TNIP3: variants seen among roughly 807,000 people sequenced by gnomAD.
TNIP3 encodes TNFAIP3-interacting protein 3.
In TNIP3, 34 loss-of-function variants were observed where a neutral mutation model predicts 54.1. The observed-to-expected ratio is 0.63, with a 90% CI of 0.48 to 0.84. The LOEUF (loss-of-function observed/expected upper bound fraction) is 0.84, where lower values mean the gene tolerates loss of function less well. TNIP3 is among the 40% of genes least tolerant of loss of function. The probability of loss-of-function intolerance (pLI) is 0.00; values close to 1 mark genes in which losing one functional copy is unlikely to be tolerated. For missense variants in TNIP3, 366 were observed against 387.6 expected, an observed-to-expected ratio of 0.94 and a Z score of 0.47; for synonymous variants, 134 against 136.8, an observed-to-expected ratio of 0.98 and a Z score of 0.14.
chr4:121,135,400 AT>A (rs918651843), intron 10 of TNIP3, among the ~76,000 whole-genome samples: 1 of 149,764 alleles, frequency 6.7e-6, no homozygotes. Context: ...CTTTTTTTTT[AT>A]TTTTTTTTAT....
chr4:121,155,085 C>T (rs935422276), intron 4 of TNIP3, among the ~76,000 whole-genome samples: 2 of 151,960 alleles, frequency 1.3e-5, no homozygotes, highest in African/African-American at 4.8e-5. Context: ...GCCTCAGCCT[C>T]CCTAGTAGCT....
intron 2 of TNIP3, among the ~76,000 whole-genome samples, chr4:121,196,145 C>T (rs1725569573): frequency 6.6e-6 from 1 of 152,166 alleles, no homozygotes; most frequent in South Asian, 2.1e-4. Flanking sequence ...GTAATTTGCT[C>T]ACGGTGAGCT....
chr4:121,151,969 A>G (rs1029630770), intron 5 of TNIP3, among the ~76,000 whole-genome samples: 1 of 152,152 alleles, frequency 6.6e-6, no homozygotes, highest in African/African-American at 2.4e-5. Flanking sequence ...GCCTTAGGTA[A>G]TTGTTTTCAC....
At chr4:121,154,011 A>G (rs147688582) in intron 5 of TNIP3, among the ~76,000 whole-genome samples, 3 of 152,138 alleles carry the variant, frequency 2.0e-5, no homozygotes, top group Non-Finnish European at 4.4e-5. Context: ...ACACACACAC[A>G]CACACACACA....
At chr4:121,154,502 T>C in intron 5 of TNIP3, 49 bp downstream of exon 5, 1 of 1,607,328 alleles carries the variant, frequency 6.2e-7, no homozygotes, top group Non-Finnish European at 8.5e-7. Context: ...AAGAATGTTT[T>C]ATGCAGGGAC....
chr4:121,218,171 TACA>T (rs1161038246), upstream of TNIP3, among the ~76,000 whole-genome samples: 1 of 152,222 alleles, frequency 6.6e-6, no homozygotes, highest in East Asian at 1.9e-4. Flanking sequence ...ACATTACAGA[TACA>T]ACATCATAAC....
intron 5 of TNIP3, among the ~76,000 whole-genome samples, chr4:121,153,266 T>C (rs1221127634): frequency 3.9e-5 from 6 of 152,162 alleles, no homozygotes; most frequent in Admixed American, 1.3e-4. Context: ...ACTACAAATA[T>C]GGATACACAA....
At chr4:121,211,444 A>T (rs1008203030) in intron 2 of TNIP3, among the ~76,000 whole-genome samples, 2 of 152,220 alleles carry the variant, frequency 1.3e-5, no homozygotes, top group Non-Finnish European at 2.9e-5. Flanking sequence ...AGGATATTAC[A>T]TTTAAATTTT....
rs1579415382 is a variant in TNIP3, at chr4:121,161,219, T to TA, written c.67-4dup. 8 of 1,548,024 alleles carry TA rather than the reference T, an allele frequency of 5.2e-6. No homozygotes were observed. The highest frequency in any genetic ancestry group is 2.3e-5 in the East Asian group (1 of 43,282). ...TTTCTTGTTGATGGTTCAGCACACT[T>TA]AGAAAAAAAAAAAGAGAGAAGATTG... On this transcript the variant is annotated splice_polypyrimidine_tract_variant and splice_region_variant and intron_variant, in intron 1 of 10. Transcript: ENST00000057513.
intron 2 of TNIP3, 105 bp from the exon 3 acceptor site, chr4:121,158,857 G>T: frequency 1.2e-6 from 1 of 835,598 alleles, no homozygotes; most frequent in Non-Finnish European, 1.9e-6. Flanking sequence ...TAGAAGCCAT[G>T]GATGAAGACA....
rs370640136 is a variant in TNIP3 at position 121,142,747 on chromosome 4, T to A, written c.765A>T (p.Lys255Asn). Reference sequence around the variant, plus strand: ...ATACCTGTTTTAATTGCTTTTCTAGTTTTTCTTTCTCCATCTGACAAGCTT... The same window carrying A: ...ATACCTGTTTTAATTGCTTTTCTAGATTTTCTTTCTCCATCTGACAAGCTT... The part of the protein sequence containing the change: ...QIKACQMEKE[K>N]LEKQLKQMYC... Residue 255 changes from lysine (K) to asparagine (N), a missense_variant, in exon 8 of 11, where the codon AAA becomes AAT. Transcript: ENST00000057513. 16 of 1,612,350 alleles carry A rather than the reference T, an allele frequency of 9.9e-6. No homozygotes were observed. The African/African-American group carries it at 2.0e-4, about 20-fold the overall frequency.
At chr4:121,213,746 A>C (rs1726617912) in intron 2 of TNIP3, among the ~76,000 whole-genome samples, 1 of 151,856 alleles carries the variant, frequency 6.6e-6, no homozygotes, top group African/African-American at 2.4e-5. Context: ...AAAAACAAAA[A>C]AAGACATTCT....
intron 3 of TNIP3, among the ~76,000 whole-genome samples, chr4:121,171,674 C>T (rs556097688): frequency 6.6e-5 from 10 of 152,252 alleles, no homozygotes; most frequent in African/African-American, 1.9e-4. Flanking sequence ...AAGAGTACTG[C>T]CTGGATGTTT....
At chr4:121,135,771 C>T (rs527836663) in intron 10 of TNIP3, among the ~76,000 whole-genome samples, 46 of 152,224 alleles carry the variant, frequency 3.0e-4, no homozygotes, top group Non-Finnish European at 5.9e-4. Context: ...TCAGTTACAC[C>T]AACAGATTAA....
rs1730430474 is a variant in TNIP3, at chr4:121,161,216, A to T, written c.67T>A (p.Cys23Ser). 1 of 1,562,564 alleles carries T rather than the reference A, an allele frequency of 6.4e-7. No homozygotes were observed. The highest frequency in any genetic ancestry group is 8.7e-7 in the Non-Finnish European group (1 of 1,154,480). ...AAESSTEHKE[C>S]AEPSTRKNLM... ...TTCTTTCTTGTTGATGGTTCAGCAC[A>T]CTTAGAAAAAAAAAAAGAGAGAAGA... Residue 23 changes from cysteine (C) to serine (S), a missense_variant and splice_region_variant, in exon 2 of 11, where the codon TGT (cysteine) becomes AGT (serine). Transcript: ENST00000057513.
chr4:121,155,221 C>T (rs1484602634), intron 4 of TNIP3, among the ~76,000 whole-genome samples: 1 of 152,068 alleles, frequency 6.6e-6, no homozygotes, highest in African/African-American at 2.4e-5. Context: ...TCTCAGCCTC[C>T]CAAAGTGCTG....
At position 121,173,519 on chromosome 4, in the gene TNIP3, A is replaced by T. The variant is rs187598781; in HGVS notation, c.189+9157T>A. ...GTAATCTGTGTTTGAGTTTTTTTTT[A>T]AAAATTATTTTCTCTGGAAGGAAAT... On this transcript the variant is annotated intron_variant, in intron 3 of 12. Transcript: ENST00000507879. 7.7e-3 allele frequency among the ~76,000 whole-genome samples: 1,164 copies of T among 152,118 alleles called. 3 individuals carry two copies. Among genetic ancestry groups the T allele is most frequent in the East Asian group, 0.014 (72 of 5,182 alleles).
chr4:121,208,533 C>T (rs959865811), intron 2 of TNIP3, among the ~76,000 whole-genome samples: 1 of 152,270 alleles, frequency 6.6e-6, no homozygotes, highest in East Asian at 1.9e-4. Context: ...TTATCCTTAG[C>T]CCTGATCCCT....
upstream of TNIP3, chr4:121,216,731 G>T: frequency 1.1e-6 from 1 of 878,966 alleles, no homozygotes; most frequent in Non-Finnish European, 1.6e-6. Context: ...CACAGGCTCA[G>T]TGAGTTAAGG....
Sources: gnomAD v4.1 joint callset for allele counts (sites outside exome capture counted in the v4.1 genomes callset) on GRCh38, gnomAD v4.1.1 for gene constraint, MANE v1.5 for transcripts, NCBI Gene and HGNC (gene_info 2026-07-23, HGNC 2026-07-21) for gene names.